The following EYA1 variants were observed in gnomAD, a reference collection of about 807,000 sequenced individuals.
EYA1 encodes the protein EYA transcriptional coactivator and phosphatase 1, also known as protein phosphatase EYA1.
A neutral mutation model predicts 82.0 loss-of-function variants in EYA1; 16 were observed. The ratio of observed to expected loss-of-function variants is 0.20; its 90% CI spans 0.13 to 0.30. The LOEUF is 0.30. Among genes scored for constraint, EYA1 ranks in the 10% least tolerant of loss-of-function variants. EYA1 has a pLI of 1.00. For missense variants in EYA1, 633 were observed against 730.7 expected, an observed-to-expected ratio of 0.87 and a Z score of 1.54; for synonymous variants, 261 against 264.4, an observed-to-expected ratio of 0.99 and a Z score of 0.12.
At chr8:71,316,809 G>C (rs1282432446) in intron 7 of EYA1, among the ~76,000 whole-genome samples, 4 of 152,134 alleles carry the variant, frequency 2.6e-5, no homozygotes, top group Admixed American at 2.6e-4. Flanking sequence ...CAAGATATTA[G>C]GAAAATGTTT....
intron 1 of EYA1, among the ~76,000 whole-genome samples, chr8:71,360,973 CA>C (rs1182304593): frequency 2.0e-5 from 3 of 152,126 alleles, no homozygotes; most frequent in Non-Finnish European, 4.4e-5. Flanking sequence ...AATGGTAATT[CA>C]AAAGTTTACA....
chr8:71,547,143 C>T (rs1315134775), intron 1 of EYA1, among the ~76,000 whole-genome samples: 2 of 152,160 alleles, frequency 1.3e-5, no homozygotes, highest in African/African-American at 4.8e-5. Flanking sequence ...TTTAACTCGC[C>T]TCTTTGACTT....
At chr8:71,290,959 A>G (rs1377774312) in intron 9 of EYA1, among the ~76,000 whole-genome samples, 1 of 152,236 alleles carries the variant, frequency 6.6e-6, no homozygotes, top group Non-Finnish European at 1.5e-5. Context: ...AACATTAGTT[A>G]AAATTGTTTT....
intron 2 of EYA1, among the ~76,000 whole-genome samples, chr8:71,413,311 G>A (rs1830701233): frequency 6.6e-6 from 1 of 152,188 alleles, no homozygotes; most frequent in Non-Finnish European, 1.5e-5. Context: ...TCAGTCTCCT[G>A]CATTAGCAAC....
intron 2 of EYA1, among the ~76,000 whole-genome samples, chr8:71,510,189 A>G (rs565147851): frequency 6.6e-6 from 1 of 152,290 alleles, no homozygotes; most frequent in South Asian, 2.1e-4. Flanking sequence ...TGTATTCATT[A>G]GACTCAAAAT....
chr8:71,391,340 C>T (rs1381668083), intron 2 of EYA1, among the ~76,000 whole-genome samples: 1 of 152,088 alleles, frequency 6.6e-6, no homozygotes, highest in Non-Finnish European at 1.5e-5. Flanking sequence ...TCCCATCTTC[C>T]TGTTCATCTC....
At chr8:71,312,587 G>A (rs1014198273) in intron 7 of EYA1, among the ~76,000 whole-genome samples, 1 of 152,140 alleles carries the variant, frequency 6.6e-6, no homozygotes, top group Non-Finnish European at 1.5e-5. Flanking sequence ...ACAGGCACGT[G>A]ACATTACACC....
chr8:71,348,331 G>A (rs1485399074), intron 3 of EYA1, among the ~76,000 whole-genome samples: 2 of 152,312 alleles, frequency 1.3e-5, no homozygotes, highest in East Asian at 1.9e-4. Context: ...ATATGAATTT[G>A]ACTAAATACT....
chr8:71,304,281 G>C (rs910045797), intron 7 of EYA1, among the ~76,000 whole-genome samples: 1 of 142,384 alleles, frequency 7.0e-6, no homozygotes, highest in African/African-American at 2.5e-5. Context: ...GTTACATCCC[G>C]TTTATAGACG....
chr8:71,269,727 T>C lies in EYA1; in HGVS notation c.1050+13A>G, dbSNP rs1222527559. 2 of 1,605,280 alleles carry C rather than the reference T, an allele frequency of 1.2e-6. No homozygotes were observed. The highest frequency in any genetic ancestry group is 8.5e-7 in the Non-Finnish European group (1 of 1,172,074). ...TCCAAAGAAATTAAAAACTGATGCC[T>C]CTTGGTACTCACCCTCCCATATCTG... On this transcript the variant is annotated intron_variant, in intron 11 of 17. Coordinates refer to ENST00000340726, the MANE Select transcript of EYA1 (RefSeq NM_000503.6).
chr8:71,527,245 C>T (rs1289553548), intron 2 of EYA1, among the ~76,000 whole-genome samples: 1 of 152,202 alleles, frequency 6.6e-6, no homozygotes, highest in African/African-American at 2.4e-5. Flanking sequence ...AAACTGAGTA[C>T]TTGAGTTCAC....
At chr8:71,259,838 C>T (rs190067034) in intron 11 of EYA1, among the ~76,000 whole-genome samples, 1 of 152,228 alleles carries the variant, frequency 6.6e-6, no homozygotes, top group East Asian at 1.9e-4. Context: ...TTAAAGGTAA[C>T]CATTTTCTAA....
intron 7 of EYA1, among the ~76,000 whole-genome samples, chr8:71,316,777 T>C (rs1407505337): frequency 1.3e-5 from 2 of 152,200 alleles, no homozygotes; most frequent in Non-Finnish European, 2.9e-5. Flanking sequence ...ATATGATTCG[T>C]TGAACTGAAC....
intron 3 of EYA1, among the ~76,000 whole-genome samples, chr8:71,350,602 C>T (rs1168577450): frequency 6.6e-6 from 1 of 152,158 alleles, no homozygotes; most frequent in Non-Finnish European, 1.5e-5. Context: ...CCAATTGCAT[C>T]TGGTTTTACA....
In EYA1 at chr8:71,276,482, A is replaced by T. The variant is rs113625299; in HGVS notation, c.827-4585T>A. 2.6e-3 allele frequency among the ~76,000 whole-genome samples: 394 copies of T among 152,300 alleles called. 1 individual carries two copies. The highest frequency in any genetic ancestry group is 9.1e-3 in the African/African-American group (378 of 41,572). On this transcript the variant is annotated intron_variant, in intron 9 of 17. Coordinates refer to ENST00000340726, the MANE Select transcript of EYA1 (RefSeq NM_000503.6). The stretch of plus-strand genomic sequence containing the variant: ...CATAATTAAACTTGTACCAAAAGGA[A>T]TCCTCCCTATCAACAAGTTGAATTA...
intron 2 of EYA1, among the ~76,000 whole-genome samples, chr8:71,513,561 T>C (rs1812751345): frequency 6.6e-6 from 1 of 152,142 alleles, no homozygotes; most frequent in African/African-American, 2.4e-5. Context: ...TCAGGGTAAA[T>C]GGGGCAACCA....
chr8:71,469,928 G>C (rs182936085), intron 2 of EYA1, among the ~76,000 whole-genome samples: 3 of 152,166 alleles, frequency 2.0e-5, no homozygotes, highest in Admixed American at 2.0e-4. Flanking sequence ...TCTAAAGTGA[G>C]GGTCCCTGAA....
chr8:71,509,118 A>T (rs1396834648), intron 2 of EYA1, among the ~76,000 whole-genome samples: 2 of 151,870 alleles, frequency 1.3e-5, no homozygotes, highest in South Asian at 4.2e-4. Flanking sequence ...TTACTGGGGG[A>T]GGTGGAGGGT....
chr8:71,292,728 T>C (rs1268216323), intron 9 of EYA1, among the ~76,000 whole-genome samples: 2 of 151,914 alleles, frequency 1.3e-5, no homozygotes, highest in Non-Finnish European at 2.9e-5. Flanking sequence ...AAAATAAGTA[T>C]TAAAATATTG....
Sources: gnomAD v4.1 joint callset for allele counts (sites outside exome capture counted in the v4.1 genomes callset) on GRCh38, gnomAD v4.1.1 for gene constraint, MANE v1.5 for transcripts, NCBI Gene and HGNC (gene_info 2026-07-23, HGNC 2026-07-21) for gene names.